The following CHCHD6 variants were observed in gnomAD, a reference collection of about 807,000 sequenced individuals.
CHCHD6 encodes the protein MICOS complex subunit MIC25.
Under a neutral mutation model 32.3 loss-of-function variants are expected in CHCHD6, and 28 were observed. The ratio of observed to expected loss-of-function variants is 0.87; its 90% CI spans 0.64 to 1.19. The LOEUF (loss-of-function observed/expected upper bound fraction) is 1.19, where lower values mean the gene tolerates loss of function less well. Ranked by LOEUF, CHCHD6 falls within the 50% of genes most tolerant of loss-of-function variation. CHCHD6 has a pLI of 0.00. For synonymous variants in CHCHD6, 122 were observed against 117.5 expected (o/e 1.04, Z -0.25); for missense variants, 333 against 307.0 (o/e 1.08, Z -0.63).
intron 4 of CHCHD6, among the ~76,000 whole-genome samples, chr3:126,757,421 A>G (rs1937003039): frequency 6.6e-6 from 1 of 152,172 alleles, no homozygotes; most frequent in Non-Finnish European, 1.5e-5. Context: ...AGGGGGGCTC[A>G]AAAGGAAAAG....
chr3:126,745,012 G>A (rs191634624), intron 4 of CHCHD6, among the ~76,000 whole-genome samples: 4 of 152,310 alleles, frequency 2.6e-5, no homozygotes, highest in Admixed American at 2.0e-4. Flanking sequence ...GAAGAAGGAA[G>A]GGCTGAGAGC....
intron 6 of CHCHD6, among the ~76,000 whole-genome samples, chr3:126,945,719 G>A (rs1261005902): frequency 2.8e-5 from 4 of 143,184 alleles, no homozygotes; most frequent in Non-Finnish European, 6.1e-5. Context: ...GGGGAGACTC[G>A]AGTAGGGAGA....
intron 4 of CHCHD6, among the ~76,000 whole-genome samples, chr3:126,754,905 A>C (rs1936890174): frequency 6.6e-6 from 1 of 152,194 alleles, no homozygotes; most frequent in Non-Finnish European, 1.5e-5. Flanking sequence ...CAGGAAGGGC[A>C]GTGGCTGCAA....
intron 4 of CHCHD6, among the ~76,000 whole-genome samples, chr3:126,786,472 C>T (rs1169783359): frequency 6.6e-6 from 1 of 152,196 alleles, no homozygotes; most frequent in African/African-American, 2.4e-5. Context: ...TATTTCTCCA[C>T]ATCCTCTCCA....
intron 6 of CHCHD6, among the ~76,000 whole-genome samples, chr3:126,954,532 C>T (rs1362259914): frequency 6.6e-6 from 1 of 152,218 alleles, no homozygotes; most frequent in Admixed American, 6.5e-5. Flanking sequence ...GTCTATGGTA[C>T]CTCTTTTCAC....
intron 4 of CHCHD6, among the ~76,000 whole-genome samples, chr3:126,815,633 G>A (rs1939855437): frequency 8.0e-6 from 1 of 124,278 alleles, no homozygotes; most frequent in East Asian, 2.6e-4. Flanking sequence ...TGTTGCTCCT[G>A]TGGGTTCTTG....
intron 5 of CHCHD6, among the ~76,000 whole-genome samples, chr3:126,876,290 T>C (rs955479533): frequency 6.6e-6 from 1 of 152,218 alleles, no homozygotes; most frequent in Non-Finnish European, 1.5e-5. Flanking sequence ...AGAAGCTTGA[T>C]GAGTTCAAAT....
At chr3:126,932,015 T>G (rs1281316349) in intron 6 of CHCHD6, among the ~76,000 whole-genome samples, 1 of 152,194 alleles carries the variant, frequency 6.6e-6, no homozygotes, top group Non-Finnish European at 1.5e-5. Flanking sequence ...CTTCTTGTCC[T>G]CAGCCAGGCA....
intron 5 of CHCHD6, among the ~76,000 whole-genome samples, chr3:126,906,112 A>T (rs755596867): frequency 6.6e-6 from 1 of 151,876 alleles, no homozygotes; most frequent in Non-Finnish European, 1.5e-5. Flanking sequence ...CCTCACTCCC[A>T]CTCCAGCTGC....
intron 6 of CHCHD6, among the ~76,000 whole-genome samples, chr3:126,926,728 G>A (rs1478133727): frequency 6.6e-6 from 1 of 152,166 alleles, no homozygotes; most frequent in Non-Finnish European, 1.5e-5. Context: ...TGCAGGCAGT[G>A]GCAAGTCATA....
At chr3:126,931,300 G>A (rs1185653031) in intron 6 of CHCHD6, among the ~76,000 whole-genome samples, 2 of 152,226 alleles carry the variant, frequency 1.3e-5, no homozygotes, top group Non-Finnish European at 2.9e-5. Context: ...TGTTGGTTTA[G>A]TTGAGGTTCA....
At chr3:126,886,392 C>T (rs1006518562) in intron 5 of CHCHD6, among the ~76,000 whole-genome samples, 1 of 152,212 alleles carries the variant, frequency 6.6e-6, no homozygotes, top group Non-Finnish European at 1.5e-5. Flanking sequence ...CCTTCCAGGA[C>T]ATGAATCATC....
At chr3:126,738,780 C>CT (rs1249154807) in intron 4 of CHCHD6, among the ~76,000 whole-genome samples, 9 of 152,174 alleles carry the variant, frequency 5.9e-5, no homozygotes, top group African/African-American at 2.2e-4. Flanking sequence ...AGGTCTGACC[C>CT]TTTTCAAGCA....
intron 4 of CHCHD6, among the ~76,000 whole-genome samples, chr3:126,831,631 G>T (rs901258566): frequency 6.6e-6 from 1 of 152,178 alleles, no homozygotes; most frequent in Non-Finnish European, 1.5e-5. Flanking sequence ...GAAAATGTGC[G>T]TGTTTACGGT....
At chr3:126,874,158 C>T (rs1450146675) in intron 5 of CHCHD6, among the ~76,000 whole-genome samples, 1 of 152,204 alleles carries the variant, frequency 6.6e-6, no homozygotes, top group African/African-American at 2.4e-5. Flanking sequence ...GACTGTCCTT[C>T]TCAAGGCTGC....
At position 126,914,683 on chromosome 3, in the gene CHCHD6, G is replaced by A. The variant is rs1019174450; in HGVS notation, c.499G>A (p.Ala167Thr). ...EQLERIERKN[A>T]EMYKLSSEQF... ...AATTCTGTTTTTCTCCTTGTAGAAT[G>A]CTGAGATGTATAAACTGTCTTCAGA... The change falls in exon 6 of 8, where the codon GCT becomes ACT. Residue 167 changes from alanine to threonine, a missense_variant. By Grantham distance (58) the Ala-to-Thr change is moderately conservative (BLOSUM62 0). Coordinates refer to ENST00000290913, the MANE Select transcript of CHCHD6 (RefSeq NM_032343.3). The A allele has an allele frequency of 1.1e-5, 17 of 1,574,210 alleles. No individual in the cohort carries two copies. Among genetic ancestry groups the A allele is most frequent in the African/African-American group, 1.3e-5 (1 of 74,142 alleles).
chr3:126,760,928 T>G (rs551009593), intron 4 of CHCHD6, among the ~76,000 whole-genome samples: 1 of 152,090 alleles, frequency 6.6e-6, no homozygotes, highest in Non-Finnish European at 1.5e-5. Flanking sequence ...CAAACTCCTG[T>G]GCTCAAGTGA....
At chr3:126,901,260 C>T (rs2077923365) in intron 5 of CHCHD6, among the ~76,000 whole-genome samples, 1 of 152,226 alleles carries the variant, frequency 6.6e-6, no homozygotes, top group Non-Finnish European at 1.5e-5. Context: ...CACCCATAAA[C>T]TGCTAATTTT....
chr3:126,936,419 C>A (rs1327873539), intron 6 of CHCHD6, among the ~76,000 whole-genome samples: 2 of 152,226 alleles, frequency 1.3e-5, no homozygotes, highest in African/African-American at 4.8e-5. Flanking sequence ...CAAATTGAGA[C>A]ATGCTGTAAG....
Sources: gnomAD v4.1 joint callset for allele counts (sites outside exome capture counted in the v4.1 genomes callset) on GRCh38, gnomAD v4.1.1 for gene constraint, MANE v1.5 for transcripts, NCBI Gene and HGNC (gene_info 2026-07-23, HGNC 2026-07-21) for gene names.